Variants in NOS1AP observed in about 807,000 individuals in gnomAD.
The protein encoded by NOS1AP is carboxyl-terminal PDZ ligand of neuronal nitric oxide synthase protein.
Under a neutral mutation model 56.2 loss-of-function variants are expected in NOS1AP, and 21 were observed. The ratio of observed to expected loss-of-function variants is 0.37; its 90% CI spans 0.26 to 0.54. NOS1AP has a LOEUF of 0.54. Ranked by LOEUF, NOS1AP falls within the 20% of genes least tolerant of loss-of-function variation. NOS1AP has a pLI of 0.84. For missense variants in NOS1AP, 522 were observed against 657.8 expected (o/e 0.79, Z 2.26); for synonymous variants, 270 against 274.6 (o/e 0.98, Z 0.17).
At chr1:162,349,748 G>T (rs1657430895) in intron 6 of NOS1AP, among the ~76,000 whole-genome samples, 1 of 152,174 alleles carries the variant, frequency 6.6e-6, no homozygotes, top group South Asian at 2.1e-4. Flanking sequence ...GTACAGTGAG[G>T]GAGCTAGACA....
At chr1:162,257,350 AAAGC>A (rs1419903590) in intron 2 of NOS1AP, among the ~76,000 whole-genome samples, 2 of 152,040 alleles carry the variant, frequency 1.3e-5, no homozygotes, top group Non-Finnish European at 2.9e-5. Flanking sequence ...TACTGAAGAG[AAAGC>A]AAGCCAGGCC....
chr1:162,189,531 T>C lies in NOS1AP; in HGVS notation c.177+35055T>C, dbSNP rs559708820. The stretch of plus-strand genomic sequence containing the variant: ...AACAAATATTCATTTAATAGACAAA[T>C]ATTTGAGTATCAGTATCTGACAGAA... On this transcript the variant is annotated intron_variant, in intron 2 of 9. Coordinates refer to ENST00000361897, the MANE Select transcript of NOS1AP (RefSeq NM_014697.3). 5.3e-5 allele frequency among the ~76,000 whole-genome samples: 8 copies of C among 152,300 alleles called. 1 individual carries two copies. In the South Asian group the frequency reaches 1.7e-3, roughly 32 times the overall value.
At chr1:162,276,784 T>C (rs766656512) in intron 2 of NOS1AP, among the ~76,000 whole-genome samples, 1 of 152,216 alleles carries the variant, frequency 6.6e-6, no homozygotes, top group Non-Finnish European at 1.5e-5. Flanking sequence ...ACTTGTGTAT[T>C]GGTTACTGTA....
chr1:162,212,756 G>A (rs1236989221), intron 2 of NOS1AP, among the ~76,000 whole-genome samples: 2 of 152,290 alleles, frequency 1.3e-5, no homozygotes, highest in Non-Finnish European at 2.9e-5. Context: ...CCATGAGATG[G>A]CTGTGGAGAG....
chr1:162,309,272 A>G (rs920415814), intron 4 of NOS1AP, among the ~76,000 whole-genome samples: 6 of 152,044 alleles, frequency 3.9e-5, no homozygotes, highest in African/African-American at 1.4e-4. Context: ...CAGGAACCAT[A>G]TCAAACTACA....
At chr1:162,309,294 C>T (rs765664842) in intron 4 of NOS1AP, among the ~76,000 whole-genome samples, 4 of 151,192 alleles carry the variant, frequency 2.6e-5, no homozygotes, top group Admixed American at 6.6e-5. Context: ...GCAAGGTAAA[C>T]AAGAAATCAG....
At chr1:162,207,693 A>G (rs1051962463) in intron 2 of NOS1AP, among the ~76,000 whole-genome samples, 5 of 152,138 alleles carry the variant, frequency 3.3e-5, no homozygotes, top group Admixed American at 3.3e-4. Flanking sequence ...TGAATTGGTA[A>G]ATATTCATGA....
intron 4 of NOS1AP, among the ~76,000 whole-genome samples, chr1:162,310,355 G>A (rs141155399): frequency 5.3e-5 from 8 of 152,312 alleles, no homozygotes; most frequent in East Asian, 3.9e-4. Context: ...TCTTCCTTCA[G>A]CCTCGCATTG....
intron 2 of NOS1AP, among the ~76,000 whole-genome samples, chr1:162,282,597 C>T (rs1337166228): frequency 1.3e-5 from 2 of 152,114 alleles, no homozygotes; most frequent in Non-Finnish European, 2.9e-5. Context: ...TTTCTGAAAA[C>T]CCTTTGTGAG....
At chr1:162,361,206 C>T (rs1657893368) in intron 8 of NOS1AP, among the ~76,000 whole-genome samples, 1 of 152,134 alleles carries the variant, frequency 6.6e-6, no homozygotes, top group Admixed American at 6.5e-5. Flanking sequence ...TAATTTGTAC[C>T]TTTCCAGAAA....
At chr1:162,081,772 A>ATC (rs1457192130) in intron 1 of NOS1AP, among the ~76,000 whole-genome samples, 3 of 29,978 alleles carry the variant, frequency 1.0e-4, no homozygotes, top group South Asian at 1.6e-3. Context: ...ATATATATAT[A>ATC]TATTTTTTTT....
intron 6 of NOS1AP, among the ~76,000 whole-genome samples, chr1:162,347,726 T>C (rs1657349712): frequency 6.6e-6 from 1 of 152,192 alleles, no homozygotes; most frequent in Non-Finnish European, 1.5e-5. Context: ...CAGTGGGGAT[T>C]CCATAAGGAT....
chr1:162,141,312 C>T (rs1163533950), intron 1 of NOS1AP, among the ~76,000 whole-genome samples: 2 of 151,476 alleles, frequency 1.3e-5, no homozygotes, highest in East Asian at 3.9e-4. Context: ...GGAATTGGAA[C>T]CAATGAGACT....
At chr1:162,155,440 CAT>C (rs141153683) in intron 2 of NOS1AP, among the ~76,000 whole-genome samples, 92 of 145,664 alleles carry the variant, frequency 6.3e-4, no homozygotes, top group Middle Eastern at 7.4e-3. Flanking sequence ...TACATATATA[CAT>C]ATATATATAT....
At chr1:162,182,183 C>T (rs1390249999) in intron 2 of NOS1AP, among the ~76,000 whole-genome samples, 3 of 152,268 alleles carry the variant, frequency 2.0e-5, no homozygotes, top group East Asian at 1.9e-4. Context: ...ATAATTGTTA[C>T]GACAGTCATC....
chr1:162,168,774 T>C (rs971221646), intron 2 of NOS1AP, among the ~76,000 whole-genome samples: 1 of 152,016 alleles, frequency 6.6e-6, no homozygotes, highest in Non-Finnish European at 1.5e-5. Context: ...CTGGTAAAGA[T>C]AGTACATAGA....
chr1:162,286,442 A>G (rs1655091256), intron 2 of NOS1AP, among the ~76,000 whole-genome samples: 1 of 152,220 alleles, frequency 6.6e-6, no homozygotes, highest in African/African-American at 2.4e-5. Context: ...TGATAGTAAG[A>G]TGGGAATCAG....
At chr1:162,170,310 T>C (rs1190044793) in intron 2 of NOS1AP, among the ~76,000 whole-genome samples, 2 of 152,134 alleles carry the variant, frequency 1.3e-5, no homozygotes, top group Admixed American at 6.5e-5. Flanking sequence ...ACAAAAGCCC[T>C]TGGAGGGAGG....
intron 2 of NOS1AP, among the ~76,000 whole-genome samples, chr1:162,195,198 T>C (rs188903778): frequency 6.6e-6 from 1 of 152,156 alleles, no homozygotes; most frequent in African/African-American, 2.4e-5. Flanking sequence ...ATAGTAGATA[T>C]TCAATAAATG....
Sources: allele counts gnomAD v4.1 joint callset (sites outside exome capture counted in the v4.1 genomes callset), GRCh38; gene constraint gnomAD v4.1.1; transcripts MANE v1.5; gene names NCBI Gene and HGNC (gene_info 2026-07-23, HGNC 2026-07-21).